WDHD1: variants seen among roughly 807,000 people sequenced by gnomAD.
The protein encoded by WDHD1 is WD repeat and HMG-box DNA binding protein 1.
Under a neutral mutation model 135.4 loss-of-function variants are expected in WDHD1, and 111 were observed. The observed-to-expected ratio is 0.82, with a 90% CI of 0.70 to 0.96. WDHD1 has a LOEUF of 0.96. Ranked by LOEUF, WDHD1 falls within the 40% of genes least tolerant of loss-of-function variation. The pLI is 0.00. For synonymous variants in WDHD1, 434 were observed against 439.0 expected (o/e 0.99, Z 0.14); for missense variants, 1,351 against 1,336.3 (o/e 1.01, Z -0.17).
intron 11 of WDHD1, among the ~76,000 whole-genome samples, chr14:54,994,215 C>G (rs929843131): frequency 2.6e-5 from 4 of 152,100 alleles, no homozygotes; most frequent in South Asian, 2.1e-4. Context: ...TTAATAGATA[C>G]AATACTATTC....
At chr14:54,982,668 T>C (rs927646593) in intron 15 of WDHD1, among the ~76,000 whole-genome samples, 1 of 152,160 alleles carries the variant, frequency 6.6e-6, no homozygotes, top group Non-Finnish European at 1.5e-5. Flanking sequence ...TAATTGGTAC[T>C]TCGGAGAAAA....
At position 54,991,270 on chromosome 14, in the gene WDHD1, G is replaced by C. The variant is rs72715571; in HGVS notation, c.1284C>G (p.Pro428=). The stretch of plus-strand genomic sequence containing the variant: ...AACCTGACTGAAATGGCTTTTGCCG[G>C]GGAGTTGGCATGGGTCCATCATAAA... The part of the protein sequence containing the change: ...RPFYDGPMPT[P]RQKPFQSGST... The change falls in exon 12 of 26, where the codon CCC becomes CCG. Residue 428 remains proline (P), a synonymous_variant. Transcript: ENST00000360586. The C allele has an allele frequency of 0.035, 56,122 of 1,612,898 alleles. 1,270 individuals carry two copies. Among genetic ancestry groups the C allele is most frequent in the Middle Eastern group, 0.04 (244 of 6,060 alleles).
intron 2 of WDHD1, among the ~76,000 whole-genome samples, chr14:55,023,719 A>G (rs774871349): frequency 9.9e-5 from 15 of 152,254 alleles, no homozygotes; most frequent in Non-Finnish European, 1.9e-4. Flanking sequence ...TTAAGCAGAT[A>G]CAACCTCATA....
At position 55,008,651 on chromosome 14, in the gene WDHD1, G is replaced by C; in HGVS notation, c.410C>G (p.Ala137Gly). The C allele has an allele frequency of 6.2e-7, 1 of 1,612,882 alleles. No homozygotes were observed. The highest frequency in any genetic ancestry group is 1.1e-5 in the South Asian group (1 of 90,610). The change falls in exon 5 of 26, where the codon GCC becomes GGC. Residue 137 changes from alanine to glycine, a missense_variant. Coordinates refer to ENST00000360586, the MANE Select transcript of WDHD1 (RefSeq NM_007086.4). ...SQQKTFRGHDAPVLSLSFDPK... is the reference protein window; with the variant it reads ...SQQKTFRGHDGPVLSLSFDPK... ...ATCAAAGGAAAGACTTAAAACAGGG[G>C]CATCATGTCCTCGAAATGTTTTCTG...
chr14:54,944,856 C>A (rs973058381), intron 24 of WDHD1, among the ~76,000 whole-genome samples: 2 of 152,100 alleles, frequency 1.3e-5, no homozygotes, highest in African/African-American at 4.8e-5. Flanking sequence ...GATCTGCCCG[C>A]CTCGGCTTCC....
chr14:54,952,299 G>C (rs948946531), intron 24 of WDHD1, among the ~76,000 whole-genome samples: 2 of 152,162 alleles, frequency 1.3e-5, no homozygotes, highest in African/African-American at 4.8e-5. Context: ...CAAAGTCTCA[G>C]GATACAAAAT....
At chr14:54,966,268 G>C (rs868314744) in intron 18 of WDHD1, among the ~76,000 whole-genome samples, 1 of 151,454 alleles carries the variant, frequency 6.6e-6, no homozygotes, top group Admixed American at 6.6e-5. Context: ...CCGGGAGGCA[G>C]AGGTTGCAGT....
At chr14:54,973,764 A>G (rs1387534744) in intron 16 of WDHD1, among the ~76,000 whole-genome samples, 1 of 152,212 alleles carries the variant, frequency 6.6e-6, no homozygotes, top group Non-Finnish European at 1.5e-5. Flanking sequence ...TTTTTCTAAA[A>G]TGTCCTGTTT....
Position 54,981,395 on chromosome 14 carries a change from A to G in WDHD1, c.2063+145T>C, listed in dbSNP as rs2041616658. 9 of 727,892 alleles carry G rather than the reference A, an allele frequency of 1.2e-5. No individual in the cohort carries two copies. The Admixed American group carries it at 3.1e-4, about 25-fold the overall frequency. 45.1% of individuals were successfully genotyped at this position (727,892 alleles called of 1,614,324 possible). ...CAAGTGACTGAAAACTTCAGAGTGA[A>G]TATGAACAAATTCCTAATTTAGTGA... On this transcript the variant is annotated intron_variant, in intron 16 of 25. Transcript: ENST00000360586.
chr14:54,976,814 T>A (rs2041532386), intron 16 of WDHD1, among the ~76,000 whole-genome samples: 1 of 152,084 alleles, frequency 6.6e-6, no homozygotes. Flanking sequence ...CTTATTCAAG[T>A]TTATTATTCC....
intron 2 of WDHD1, among the ~76,000 whole-genome samples, chr14:55,019,712 T>C (rs185272086): frequency 6.6e-6 from 1 of 152,146 alleles, no homozygotes; most frequent in African/African-American, 2.4e-5. Context: ...CTACTAAAAA[T>C]ACAAAAATTA....
At chr14:54,943,091 T>C (rs2040864148) in intron 25 of WDHD1, among the ~76,000 whole-genome samples, 2 of 152,228 alleles carry the variant, frequency 1.3e-5, no homozygotes, top group Non-Finnish European at 2.9e-5. Context: ...ACTAGGTGCC[T>C]GTGCTGCGCC....
intron 3 of WDHD1, among the ~76,000 whole-genome samples, chr14:55,012,841 C>T (rs146339243): frequency 3.0e-4 from 46 of 152,158 alleles, no homozygotes; most frequent in Non-Finnish European, 5.6e-4. Flanking sequence ...GGTCTCATTA[C>T]TTCTCAGTAG....
chr14:54,972,236 C>T (rs1215625883), intron 16 of WDHD1, among the ~76,000 whole-genome samples: 4 of 148,676 alleles, frequency 2.7e-5, no homozygotes, highest in Non-Finnish European at 5.9e-5. Flanking sequence ...GATCACACCA[C>T]TGCACTCCAG....
Position 54,940,052 on chromosome 14 carries a change from T to C in WDHD1, c.*1438A>G, listed in dbSNP as rs2040817160. On this transcript the variant is annotated 3_prime_UTR_variant, in exon 26 of 26. Coordinates refer to ENST00000360586, the MANE Select transcript of WDHD1 (RefSeq NM_007086.4). ...AACCTAATGACAAAGCAAGATGAAA[T>C]AACCAACAGCATCATCATTATCAGA... 6.6e-6 allele frequency: 1 copy of C among 152,178 alleles called. No homozygotes were observed. 9.4% of individuals were successfully genotyped at this position (152,178 alleles called of 1,614,324 possible).
chr14:54,995,880 G>A, intron 10 of WDHD1, 67 bp from the exon 11 acceptor site: 5 of 1,310,278 alleles, frequency 3.8e-6, no homozygotes, highest in Admixed American at 2.9e-5. Context: ...TTACTAAAAA[G>A]GTAAACTTTT....
At chr14:54,982,002 TTTA>T (rs1256558537) in intron 15 of WDHD1, among the ~76,000 whole-genome samples, 2 of 151,666 alleles carry the variant, frequency 1.3e-5, no homozygotes, top group East Asian at 3.9e-4. Context: ...TATTTATTTA[TTTA>T]TTATTATTAT....
intron 2 of WDHD1, among the ~76,000 whole-genome samples, chr14:55,016,164 G>C (rs2042259089): frequency 6.6e-6 from 1 of 152,188 alleles, no homozygotes; most frequent in South Asian, 2.1e-4. Context: ...TTTTAGAGTA[G>C]TCTGAATGTT....
chr14:55,004,107 A>G (rs2042024142), intron 7 of WDHD1, among the ~76,000 whole-genome samples: 1 of 152,232 alleles, frequency 6.6e-6, no homozygotes, highest in South Asian at 2.1e-4. Flanking sequence ...AAAAGAATAG[A>G]AAAGTTGAAA....
Sources: allele counts gnomAD v4.1 joint callset (sites outside exome capture counted in the v4.1 genomes callset), GRCh38; gene constraint gnomAD v4.1.1; transcripts MANE v1.5; gene names NCBI Gene and HGNC (gene_info 2026-07-23, HGNC 2026-07-21).